CSNK1A1: variants seen among roughly 807,000 people sequenced by gnomAD.
CSNK1A1 encodes casein kinase I isoform alpha.
CSNK1A1 carries 7 observed loss-of-function variants against 46.1 expected under a neutral mutation model. That is an observed-to-expected ratio of 0.15 (90% confidence interval 0.09 to 0.29). The LOEUF (loss-of-function observed/expected upper bound fraction) is 0.29. Ranked by LOEUF, CSNK1A1 falls within the 10% of genes least tolerant of loss-of-function variation. The probability of loss-of-function intolerance (pLI) is 1.00; values close to 1 mark genes in which losing one functional copy is unlikely to be tolerated. For synonymous variants in CSNK1A1, 137 were observed against 141.5 expected, an observed-to-expected ratio of 0.97 and a Z score of 0.23; for missense variants, 96 against 417.1, an observed-to-expected ratio of 0.23 and a Z score of 6.71.
intron 2 of CSNK1A1, among the ~76,000 whole-genome samples, chr5:149,526,741 C>T (rs542503566): frequency 2.0e-5 from 3 of 152,162 alleles, no homozygotes; most frequent in African/African-American, 7.2e-5. Flanking sequence ...ATGGCATCTA[C>T]CAAAACTGCA....
chr5:149,523,757 T>C (rs187489736), intron 3 of CSNK1A1, among the ~76,000 whole-genome samples: 7 of 152,230 alleles, frequency 4.6e-5, no homozygotes, highest in African/African-American at 7.2e-5. Context: ...CAATGTGTAA[T>C]TATCAAATCA....
At chr5:149,507,429 C>T (rs1261072497) in intron 7 of CSNK1A1, among the ~76,000 whole-genome samples, 1 of 151,620 alleles carries the variant, frequency 6.6e-6, no homozygotes, top group Non-Finnish European at 1.5e-5. Flanking sequence ...CTTGTTAAAA[C>T]CTGTCATTTT....
rs756620717 is a variant in CSNK1A1 at position 149,505,491 on chromosome 5, G to A, written c.962C>T (p.Thr321Ile). ...SSSGQGQQAQ[T>I]PTGKQTDKTK... ...TTTGTCAGTTTGCTTGCCTGTGGGG[G>A]TTTGGGCCTGCTGACCCTGCCCACT... The change falls in exon 9 of 10, where the codon ACC becomes ATC. Residue 321 changes from threonine to isoleucine, a missense_variant. Coordinates refer to ENST00000377843, the MANE Select transcript of CSNK1A1 (RefSeq NM_001892.6). 6 of 1,613,964 alleles carry A rather than the reference G, an allele frequency of 3.7e-6. No homozygotes were observed. Among genetic ancestry groups the A allele is most frequent in the Non-Finnish European group, 5.1e-6 (6 of 1,180,036 alleles).
chr5:149,502,164 A>G, intron 9 of CSNK1A1: 1 of 956,884 alleles, frequency 1.0e-6, no homozygotes, highest in Non-Finnish European at 1.2e-6. Flanking sequence ...TTTTTACTGA[A>G]GAAATATCAG....
intron 2 of CSNK1A1, among the ~76,000 whole-genome samples, chr5:149,541,819 A>C (rs1160684366): frequency 6.6e-6 from 1 of 151,852 alleles, no homozygotes; most frequent in Non-Finnish European, 1.5e-5. Flanking sequence ...CTACTAAAAA[A>C]AATTAGCCAG....
chr5:149,531,631 G>T lies in CSNK1A1; in HGVS notation c.231-6460C>A, dbSNP rs112720636. Reference sequence around the variant, plus strand: ...GGGAGGCTGAGGTGGGTGGATCGCTGGAGGTCAGGAGTTCGAGACCAGCCT... The same window carrying T: ...GGGAGGCTGAGGTGGGTGGATCGCTTGAGGTCAGGAGTTCGAGACCAGCCT... On this transcript the variant is annotated intron_variant, in intron 2 of 9. Coordinates refer to ENST00000377843, the MANE Select transcript of CSNK1A1 (RefSeq NM_001892.6). Among the ~76,000 whole-genome samples, 149 of 151,444 alleles carry T rather than the reference G, an allele frequency of 9.8e-4. 1 individual carries two copies. Among genetic ancestry groups the T allele is most frequent in the African/African-American group, 3.4e-3 (139 of 41,326 alleles).
chr5:149,546,536 G>A (rs906060868), intron 2 of CSNK1A1, among the ~76,000 whole-genome samples: 3 of 151,956 alleles, frequency 2.0e-5, no homozygotes, highest in Non-Finnish European at 4.4e-5. Flanking sequence ...AGGAGGCTAA[G>A]GCAGGAGAAT....
intron 9 of CSNK1A1, chr5:149,502,505 G>A (rs1346348835): frequency 5.3e-6 from 1 of 187,062 alleles, no homozygotes; most frequent in Non-Finnish European, 7.5e-6. Flanking sequence ...TACTGCGCCT[G>A]GCGCTTTTTT....
At chr5:149,520,464 A>G in intron 3 of CSNK1A1, 76 bp from the exon 4 acceptor site, 3 of 803,748 alleles carry the variant, frequency 3.7e-6, no homozygotes, top group Non-Finnish European at 6.2e-6. Flanking sequence ...GTATTTCAGT[A>G]TCTCAATTAT....
At chr5:149,504,699 G>A (rs1044831026) in intron 9 of CSNK1A1, 8 of 985,324 alleles carry the variant, frequency 8.1e-6, no homozygotes, top group Non-Finnish European at 9.6e-6. Flanking sequence ...TGCAAGGCCT[G>A]GCTGCAGACT....
At chr5:149,545,488 CCA>C in intron 2 of CSNK1A1, 2 of 588,222 alleles carry the variant, frequency 3.4e-6, no homozygotes, top group East Asian at 3.2e-5. Context: ...GGCCTTTGGC[CCA>C]CACAGTCTGA....
At chr5:149,503,821 GT>G in intron 9 of CSNK1A1, 1 of 985,354 alleles carries the variant, frequency 1.0e-6, no homozygotes, top group Non-Finnish European at 1.2e-6. Context: ...AATGCCTGAA[GT>G]AAAATGTTCT....
Position 149,550,735 on chromosome 5 carries a change from G to A in CSNK1A1, c.123+107C>T, listed in dbSNP as rs1762631823. 6.7e-7 allele frequency: 1 copy of A among 1,488,020 alleles called. No individual in the cohort carries two copies. The highest frequency in any genetic ancestry group is 1.2e-5 in the South Asian group (1 of 81,068). 92.2% of individuals were successfully genotyped at this position (1,488,020 alleles called of 1,614,324 possible). Reference sequence around the variant, plus strand: ...AAACTAGCTCCCTGGACTCCCTGGCGAGTGCGTGCGATGAGGAGAGGCCCG... The same window carrying A: ...AAACTAGCTCCCTGGACTCCCTGGCAAGTGCGTGCGATGAGGAGAGGCCCG... On this transcript the variant is annotated intron_variant, in intron 1 of 9. Coordinates refer to ENST00000377843, the MANE Select transcript of CSNK1A1 (RefSeq NM_001892.6). This position sits in a 1 kb window ranked among gnomAD's most constrained non-coding sequence, Gnocchi z 4.3.
intron 2 of CSNK1A1, among the ~76,000 whole-genome samples, chr5:149,548,292 C>A (rs1346172449): frequency 3.3e-5 from 5 of 152,190 alleles, no homozygotes; most frequent in African/African-American, 4.8e-5. Context: ...ACAGGCTGGG[C>A]CCGGTGGCTC....
At chr5:149,509,992 CT>C in intron 6 of CSNK1A1, 39 bp from the exon 7 acceptor site, 12 of 1,374,668 alleles carry the variant, frequency 8.7e-6, no homozygotes, top group Non-Finnish European at 1.2e-5. Context: ...ATACTCAGTG[CT>C]ACTGAGAAGA....
rs372654003 is a variant in CSNK1A1 at position 149,509,846 on chromosome 5, T to G, written c.750+33A>C. ...GTGAGCCATTGTGCCTGGCTTCATT[T>G]ATATTTTTTTAATATTCATCATGCA... On this transcript the variant is annotated intron_variant, in intron 7 of 9. Coordinates refer to ENST00000377843, the MANE Select transcript of CSNK1A1 (RefSeq NM_001892.6). 3.1e-5 allele frequency: 48 copies of G among 1,541,560 alleles called. No homozygotes were observed. The African/African-American group carries it at 5.7e-4, about 18-fold the overall frequency.
intron 7 of CSNK1A1, among the ~76,000 whole-genome samples, chr5:149,507,773 T>G (rs536516393): frequency 6.6e-6 from 1 of 152,296 alleles, no homozygotes; most frequent in South Asian, 2.1e-4. Flanking sequence ...ATGCCCAGCC[T>G]TCAGAAGTTT....
intron 2 of CSNK1A1, among the ~76,000 whole-genome samples, chr5:149,526,732 T>C (rs1761735394): frequency 1.3e-5 from 2 of 152,128 alleles, no homozygotes; most frequent in Admixed American, 1.3e-4. Flanking sequence ...TAACCCTTGA[T>C]GGCATCTACC....
intron 2 of CSNK1A1, among the ~76,000 whole-genome samples, chr5:149,544,737 T>A (rs2100640): frequency 0.014 from 1,130 of 80,546 alleles, 42 homozygotes; most frequent in African/African-American, 0.042. Context: ...GTAAAGAGCT[T>A]TATATATATA....
Sources: allele counts gnomAD v4.1 joint callset (sites outside exome capture counted in the v4.1 genomes callset), GRCh38; gene constraint gnomAD v4.1.1; non-coding constraint Gnocchi (gnomAD v3.1); transcripts MANE v1.5; gene names NCBI Gene and HGNC (gene_info 2026-07-23, HGNC 2026-07-21).